Variants in UMODL1 observed in about 807,000 individuals in gnomAD.
UMODL1 encodes uromodulin-like 1.
UMODL1 carries 128 observed loss-of-function variants against 136.3 expected under a neutral mutation model. The observed-to-expected ratio is 0.94, with a 90% CI of 0.81 to 1.09. The LOEUF (loss-of-function observed/expected upper bound fraction) is 1.09, where lower values mean the gene tolerates loss of function less well. Ranked by LOEUF, UMODL1 falls within the 50% of genes least tolerant of loss-of-function variation. The probability of loss-of-function intolerance (pLI) is 0.00; values close to 1 mark genes in which losing one functional copy is unlikely to be tolerated. For missense variants in UMODL1, 1,766 were observed against 1,725.6 expected (o/e 1.02, Z -0.41); for synonymous variants, 721 against 720.0 (o/e 1.00, Z -0.02).
chr21:42,070,870 C>T (rs899771119), upstream of UMODL1, among the ~76,000 whole-genome samples: 2 of 152,214 alleles, frequency 1.3e-5, no homozygotes, highest in East Asian at 1.9e-4. Context: ...CTTTTCTGAA[C>T]GTGATGTTCC....
chr21:42,086,483 C>G (rs1176063456), intron 4 of UMODL1: 2 of 454,870 alleles, frequency 4.4e-6, no homozygotes, highest in Admixed American at 4.7e-5. Context: ...AGTCTGCAGC[C>G]TCGGCCTTAA....
chr21:42,077,575 A>G (rs996105255), intron 2 of UMODL1, among the ~76,000 whole-genome samples: 1 of 152,262 alleles, frequency 6.6e-6, no homozygotes, highest in African/African-American at 2.4e-5. Flanking sequence ...GATAGACACG[A>G]GGCTTTGGGC....
In UMODL1 at chr21:42,085,223, C is replaced by A; in HGVS notation, c.482-68C>A. Reference sequence around the variant, plus strand: ...TGGTTCCCTCTCCTGCCCCCTCTCCCACCCCAGCAGCTTTTGTGACTTCAA... The same window carrying A: ...TGGTTCCCTCTCCTGCCCCCTCTCCAACCCCAGCAGCTTTTGTGACTTCAA... On this transcript the variant is annotated intron_variant, in intron 3 of 22. Coordinates refer to ENST00000408910, the MANE Select transcript of UMODL1 (RefSeq NM_001004416.3). The surrounding 1 kb of genome is among the most constrained non-coding windows in gnomAD (Gnocchi z 4.5). 2 of 1,571,040 alleles carry A rather than the reference C, an allele frequency of 1.3e-6. No homozygotes were observed. Among genetic ancestry groups the A allele is most frequent in the Non-Finnish European group, 8.7e-7 (1 of 1,155,538 alleles).
At position 42,109,573 on chromosome 21, in the gene UMODL1, T is replaced by C; in HGVS notation, c.1531T>C (p.Cys511Arg). The C allele has an allele frequency of 1.2e-6, 2 of 1,611,448 alleles. No individual in the cohort carries two copies. The highest frequency in any genetic ancestry group is 1.7e-6 in the Non-Finnish European group (2 of 1,179,980). ...TCTCCCCCTGGCAGACTGGGACGAG[T>C]GTGTGGACAGCGCGGAACACGACTG... ...QGTRVQDWDE[C>R]VDSAEHDCSP... The change falls in exon 10 of 23, where the codon TGT (cysteine) becomes CGT (arginine). Residue 511 changes from cysteine to arginine, a missense_variant. Physicochemically the swap from Cys to Arg is radical, Grantham distance 180. Coordinates refer to ENST00000408910, the MANE Select transcript of UMODL1 (RefSeq NM_001004416.3).
Position 42,085,335 on chromosome 21 carries a change from C to T in UMODL1, c.526C>T (p.Leu176=). The T allele has an allele frequency of 1.2e-6, 2 of 1,614,014 alleles. No homozygotes were observed. Among genetic ancestry groups the T allele is most frequent in the South Asian group, 1.1e-5 (1 of 91,076 alleles). ...PVGSWYNVTI[L]VKMDFKELQQ... ...GGGCTCCTGGTACAACGTCACCATA[C>T]TGGTGAAAATGGACTTCAAGGAACT... Residue 176 remains leucine, a synonymous_variant, in exon 4 of 23, where the codon CTG becomes TTG. Transcript: ENST00000408910. The surrounding 1 kb of genome is among the most constrained non-coding windows in gnomAD (Gnocchi z 4.5).
chr21:42,115,820 T>A, intron 13 of UMODL1, 53 bp from the exon 14 acceptor site: 1 of 1,348,894 alleles, frequency 7.4e-7, no homozygotes, highest in Middle Eastern at 1.8e-4. Flanking sequence ...GAAATGTTAG[T>A]CTGTTATCTA....
At chr21:42,074,380 TG>T (rs903026226) in intron 1 of UMODL1, among the ~76,000 whole-genome samples, 1 of 152,236 alleles carries the variant, frequency 6.6e-6, no homozygotes, top group African/African-American at 2.4e-5. Context: ...AAGACATTAC[TG>T]CAGATAAGGT....
intron 6 of UMODL1, among the ~76,000 whole-genome samples, chr21:42,098,275 A>AACTTGG (rs1236392886): frequency 1.3e-5 from 2 of 151,968 alleles, no homozygotes. Context: ...CACTTGGATG[A>AACTTGG]CTCCCACCCT....
chr21:42,136,106 G>A (rs909839733), intron 21 of UMODL1, among the ~76,000 whole-genome samples: 6 of 152,126 alleles, frequency 3.9e-5, no homozygotes, highest in Admixed American at 1.3e-4. Flanking sequence ...ACCCACACAC[G>A]GTGGGCAGAG....
chr21:42,133,826 G>A (rs2067165077), intron 21 of UMODL1, among the ~76,000 whole-genome samples: 1 of 152,222 alleles, frequency 6.6e-6, no homozygotes, highest in South Asian at 2.1e-4. Flanking sequence ...ACCTGCAACA[G>A]TTCCATTTCC....
intron 14 of UMODL1, among the ~76,000 whole-genome samples, chr21:42,117,592 G>A (rs1417396366): frequency 2.0e-5 from 3 of 152,204 alleles, no homozygotes; most frequent in Non-Finnish European, 4.4e-5. Context: ...TCTGAGCTCA[G>A]CACAGAGAGG....
chr21:42,121,667 C>T (rs1051245651), intron 16 of UMODL1, among the ~76,000 whole-genome samples: 2 of 152,188 alleles, frequency 1.3e-5, no homozygotes, highest in Non-Finnish European at 2.9e-5. Context: ...TAACACTGAC[C>T]CCACGTTGGC....
Position 42,088,376 on chromosome 21 carries a change from G to T in UMODL1, c.686G>T (p.Arg229Leu). The T allele has an allele frequency of 6.2e-7, 1 of 1,613,818 alleles. No individual in the cohort carries two copies. Among genetic ancestry groups the T allele is most frequent in the South Asian group, 1.1e-5 (1 of 91,080 alleles). ...GGGAACGCCTCCACCACAGTGTCGCGGCTGCTACTGGGCCTGCCACGGCCA... is the reference window on the plus strand; with the variant it reads ...GGGAACGCCTCCACCACAGTGTCGCTGCTGCTACTGGGCCTGCCACGGCCA... ...APGNASTTVSRLLLGLPRPLP... is the reference protein window; with the variant it reads ...APGNASTTVSLLLLGLPRPLP... Residue 229 changes from arginine (R) to leucine (L), a missense_variant, in exon 5 of 23, where the codon CGG (arginine) becomes CTG (leucine). Transcript: ENST00000408910.
At chr21:42,135,250 G>A (rs1183786498) in intron 21 of UMODL1, among the ~76,000 whole-genome samples, 2 of 152,254 alleles carry the variant, frequency 1.3e-5, no homozygotes, top group African/African-American at 2.4e-5. Flanking sequence ...TGCCTCACCA[G>A]TGGCTGTGGG....
intron 9 of UMODL1, among the ~76,000 whole-genome samples, chr21:42,106,623 T>C (rs1283947796): frequency 2.0e-5 from 3 of 152,176 alleles, no homozygotes; most frequent in Non-Finnish European, 4.4e-5. Context: ...TGTTCGGTCT[T>C]TCCCCAGGAG....
At position 42,084,118 on chromosome 21, in the gene UMODL1, T is replaced by C. The variant is rs7278485; in HGVS notation, c.354T>C (p.Pro118=). The C allele has an allele frequency of 0.63, 1,015,326 of 1,613,888 alleles. 321,401 individuals are homozygous for C. The highest frequency in any genetic ancestry group is 0.76 in the African/African-American group (57,275 of 75,004). The change falls in exon 3 of 23, where the codon CCT becomes CCC. Residue 118 remains proline, a synonymous_variant. Transcript: ENST00000408910. Reference sequence around the variant, plus strand: ...AGTCCGGGCAGTTCACGTCAAGACCTGGGGCCTGCCCCGCAGAGGGGCCTG... The same window carrying C: ...AGTCCGGGCAGTTCACGTCAAGACCCGGGGCCTGCCCCGCAGAGGGGCCTG... The part of the protein sequence containing the change: ...LNQSGQFTSR[P]GACPAEGPEP...
intron 2 of UMODL1, among the ~76,000 whole-genome samples, chr21:42,080,051 C>A (rs566589336): frequency 6.6e-6 from 1 of 152,214 alleles, no homozygotes; most frequent in Non-Finnish European, 1.5e-5. Flanking sequence ...CCCAGCCCCA[C>A]GGTCAGAGAC....
At position 42,122,922 on chromosome 21, in the gene UMODL1, C is replaced by A. The variant is rs754202992; in HGVS notation, c.2919C>A (p.Ser973Arg). Reference protein sequence around the residue: ...GTKAAFVQGTSPTPQGLPQRL... With the variant: ...GTKAAFVQGTRPTPQGLPQRL... ...AGGCTGCCTTTGTGCAAGGCACCAG[C>A]CCCACCCCCCAAGGCCTGCCCCAGC... Residue 973 changes from serine (S) to arginine (R), a missense_variant, in exon 17 of 23, where the codon AGC (serine) becomes AGA (arginine). Physicochemically the swap from Ser to Arg is moderately radical, Grantham distance 110. Transcript: ENST00000408910. The surrounding 1 kb of genome is among the most constrained non-coding windows in gnomAD (Gnocchi z 4.3). The A allele has an allele frequency of 4.3e-6, 7 of 1,613,720 alleles. No homozygotes were observed. The highest frequency in any genetic ancestry group is 5.9e-6 in the Non-Finnish European group (7 of 1,180,042).
Position 42,109,678 on chromosome 21 carries a change from C to T in UMODL1, c.1636C>T (p.Arg546Cys), listed in dbSNP as rs554651655. The T allele has an allele frequency of 1.5e-5, 24 of 1,604,910 alleles. No homozygotes were observed. The highest frequency in any genetic ancestry group is 2.7e-5 in the African/African-American group (2 of 75,034). ...CRTTRDATPS[R>C]AGRACEGDLV... ...TACCACCAGGGACGCCACCCCCTCC[C>T]GCGCAGGCCGGGCCTGTGAGGGTAC... The change falls in exon 10 of 23, where the codon CGC becomes TGC. Residue 546 changes from arginine to cysteine, a missense_variant. By Grantham distance (180) the Arg-to-Cys change is radical. Coordinates refer to ENST00000408910, the MANE Select transcript of UMODL1 (RefSeq NM_001004416.3).
Sources: allele counts gnomAD v4.1 joint callset (sites outside exome capture counted in the v4.1 genomes callset), GRCh38; gene constraint gnomAD v4.1.1; non-coding constraint Gnocchi (gnomAD v3.1); transcripts MANE v1.5; gene names NCBI Gene and HGNC (gene_info 2026-07-23, HGNC 2026-07-21).